Variants in TBC1D16 observed in about 807,000 individuals in gnomAD.
TBC1D16 encodes the protein CTD-2529O21.1.
In TBC1D16, 58 loss-of-function variants were observed where a neutral mutation model predicts 74.7. That is an observed-to-expected ratio of 0.78 (90% CI 0.63 to 0.97). TBC1D16 has a LOEUF of 0.97. TBC1D16 is among the 50% of genes least tolerant of loss of function. The pLI is 0.00. For missense variants in TBC1D16, 1,014 were observed against 1,079.5 expected, an observed-to-expected ratio of 0.94 and a Z score of 0.85; for synonymous variants, 493 against 474.7, an observed-to-expected ratio of 1.04 and a Z score of -0.50.
At chr17:79,976,520 G>A (rs2034337837) in intron 3 of TBC1D16, among the ~76,000 whole-genome samples, 1 of 152,184 alleles carries the variant, frequency 6.6e-6, no homozygotes, top group Non-Finnish European at 1.5e-5. Context: ...TGTGCGGTGT[G>A]CCCACATCCT....
chr17:80,005,040 T>G (rs1168880034), intron 3 of TBC1D16, among the ~76,000 whole-genome samples: 2 of 152,078 alleles, frequency 1.3e-5, no homozygotes, highest in Admixed American at 1.3e-4. Flanking sequence ...CATTTTCACT[T>G]AGGGAGCAGA....
chr17:79,985,881 C>T lies in TBC1D16; in HGVS notation c.779+24279G>A, dbSNP rs1305547466. ...TCAAGGCTGTGGAGGTCAAAGGGGA[C>T]CAAATCAGGGGCCCTCTGCTACTAC... On this transcript the variant is annotated intron_variant, in intron 3 of 11. Coordinates refer to ENST00000310924, the MANE Select transcript of TBC1D16 (RefSeq NM_019020.4). The surrounding 1 kb of genome is among the most constrained non-coding windows in gnomAD (Gnocchi z 4.9). Among the ~76,000 whole-genome samples the T allele has an allele frequency of 6.6e-6, 1 of 152,144 alleles. No homozygotes were observed. The highest frequency in any genetic ancestry group is 1.5e-5 in the Non-Finnish European group (1 of 68,032).
Position 79,938,338 on chromosome 17 carries a change from C to G in TBC1D16, c.*2521G>C, listed in dbSNP as rs763630130. ...GCCCATGGGGAGCGTGAGGTGCGAG[C>G]AGTGCACGGTGGGGGTGGCACTTGG... On this transcript the variant is annotated 3_prime_UTR_variant, in exon 12 of 12. Transcript: ENST00000310924. 1 of 152,516 alleles carries G rather than the reference C, an allele frequency of 6.6e-6. No homozygotes were observed. Among genetic ancestry groups the G allele is most frequent in the Non-Finnish European group, 1.5e-5 (1 of 68,290 alleles). 9.4% of individuals were successfully genotyped at this position (152,516 alleles called of 1,614,324 possible).
chr17:79,950,211 GTT>G lies in TBC1D16; in HGVS notation c.1257+198_1257+199del, dbSNP rs561768026. On this transcript the variant is annotated intron_variant, in intron 6 of 11. Transcript: ENST00000310924. This position sits in a 1 kb window ranked among gnomAD's most constrained non-coding sequence, Gnocchi z 4.6. ...ACCCTCGAGGGAGGTGTTGTGTTTTGTTTTTTTTTTTCAACGCAGCAGCTTTG... is the reference window on the plus strand; with the variant it reads ...ACCCTCGAGGGAGGTGTTGTGTTTTGTTTTTTTTTCAACGCAGCAGCTTTG... Among the ~76,000 whole-genome samples the G allele has an allele frequency of 6.8e-6, 1 of 146,120 alleles. No individual in the cohort carries two copies. The highest frequency in any genetic ancestry group is 2.2e-4 in the South Asian group (1 of 4,594).
chr17:79,951,313 C>T (rs1464749659), intron 5 of TBC1D16, 137 bp downstream of exon 5: 6 of 1,115,328 alleles, frequency 5.4e-6, no homozygotes, highest in Non-Finnish European at 7.6e-6. Context: ...CTCTGACGGC[C>T]AAAAACTACC....
intron 9 of TBC1D16, among the ~76,000 whole-genome samples, chr17:79,946,106 C>T (rs2032511741): frequency 6.6e-6 from 1 of 152,228 alleles, no homozygotes; most frequent in African/African-American, 2.4e-5. Flanking sequence ...GGCATCAGCT[C>T]TCCCAGCCTG....
chr17:80,002,083 G>C (rs534236767), intron 3 of TBC1D16, among the ~76,000 whole-genome samples: 1 of 152,174 alleles, frequency 6.6e-6, no homozygotes, highest in Admixed American at 6.5e-5. Context: ...AAGGGATCCG[G>C]AACGAGCAGA....
Position 80,001,376 on chromosome 17 carries a change from A to G in TBC1D16, c.779+8784T>C, listed in dbSNP as rs2035479292. ...AGAACAGATTGCAGGGTGTCGGGCA[A>G]TGGGATGTTTTAAAGAAATAAATCT... On this transcript the variant is annotated intron_variant, in intron 3 of 11. Transcript: ENST00000310924. The surrounding 1 kb of genome is among the most constrained non-coding windows in gnomAD (Gnocchi z 5.8). Among the ~76,000 whole-genome samples, 1 of 152,210 alleles carries G rather than the reference A, an allele frequency of 6.6e-6. No individual in the cohort carries two copies. Among genetic ancestry groups the G allele is most frequent in the African/African-American group, 2.4e-5 (1 of 41,460 alleles).
chr17:79,957,838 T>C (rs926394790), intron 3 of TBC1D16, among the ~76,000 whole-genome samples: 13 of 142,388 alleles, frequency 9.1e-5, no homozygotes, highest in African/African-American at 2.1e-4. Flanking sequence ...TAAAACAGCT[T>C]CAAAAAATAA....
intron 3 of TBC1D16, among the ~76,000 whole-genome samples, chr17:79,977,427 C>T (rs78894738): frequency 0.026 from 3,894 of 152,308 alleles, 80 homozygotes; most frequent in Non-Finnish European, 0.043. Context: ...TCCACCTGGC[C>T]CCTTCCCAGC....
At chr17:80,012,029 C>T (rs981458761) in intron 2 of TBC1D16, among the ~76,000 whole-genome samples, 2 of 152,034 alleles carry the variant, frequency 1.3e-5, no homozygotes, top group African/African-American at 4.8e-5. Flanking sequence ...GTGCTCAGTT[C>T]TGGGGGGAGG....
Position 79,944,195 on chromosome 17 carries a change from A to G in TBC1D16, c.1908+713T>C. The stretch of plus-strand genomic sequence containing the variant: ...CTCCATCTTCAGGGTTCTCTGACGG[A>G]GGCTGCTGGAGCTGCCGTGGTGGAT... On this transcript the variant is annotated intron_variant, in intron 10 of 11. Coordinates refer to ENST00000310924, the MANE Select transcript of TBC1D16 (RefSeq NM_019020.4). The surrounding 1 kb of genome is among the most constrained non-coding windows in gnomAD (Gnocchi z 7.7). 6.6e-7 allele frequency: 1 copy of G among 1,506,014 alleles called. No individual in the cohort carries two copies. The highest frequency in any genetic ancestry group is 8.9e-7 in the Non-Finnish European group (1 of 1,120,130). The allele number at this position is 1,506,014 out of a possible 1,614,324, so 93.3% of individuals were successfully genotyped here. A position where few individuals can be genotyped will look rare whatever the true frequency, so the allele number is the denominator to read the frequency against.
At chr17:79,998,246 A>T (rs888699121) in intron 3 of TBC1D16, among the ~76,000 whole-genome samples, 4 of 150,410 alleles carry the variant, frequency 2.7e-5, no homozygotes, top group African/African-American at 9.8e-5. Context: ...GCAGGTGTTG[A>T]TCTGTTTACT....
At chr17:79,947,964 C>T (rs986369060) in intron 8 of TBC1D16, 133 bp from the exon 9 acceptor site, 1 of 714,396 alleles carries the variant, frequency 1.4e-6, no homozygotes, top group Non-Finnish European at 2.3e-6. Flanking sequence ...AGCTGTGCCA[C>T]CATCTCAGAG....
At chr17:79,960,801 A>AAAAAAAAAAAAAAAAAAAAAAAAAAAC (rs2033570654) in intron 3 of TBC1D16, among the ~76,000 whole-genome samples, 1 of 149,050 alleles carries the variant, frequency 6.7e-6, no homozygotes, top group Non-Finnish European at 1.5e-5. Flanking sequence ...AAAAAAAAAA[A>AAAAAAAAAAAAAAAAAAAAAAAAAAAC]AAAAAAAACG....
rs1320336107 is a variant in TBC1D16, at chr17:79,936,650, T to G, written c.*4209A>C. On this transcript the variant is annotated 3_prime_UTR_variant, in exon 12 of 12. Coordinates refer to ENST00000310924, the MANE Select transcript of TBC1D16 (RefSeq NM_019020.4). ...CCCCAAGGGCATGCCTCTGGCTTCATGAACCTTCGGGGGAAATTAGCTTTC... is the reference window on the plus strand; with the variant it reads ...CCCCAAGGGCATGCCTCTGGCTTCAGGAACCTTCGGGGGAAATTAGCTTTC... 1 of 152,406 alleles carries G rather than the reference T, an allele frequency of 6.6e-6. No individual in the cohort carries two copies. Among genetic ancestry groups the G allele is most frequent in the East Asian group, 1.9e-4 (1 of 5,186 alleles). The allele number at this position is 152,406 out of a possible 1,614,324, so 9.4% of individuals were successfully genotyped here. A position where few individuals can be genotyped will look rare whatever the true frequency, so the allele number is the denominator to read the frequency against.
chr17:79,949,784 T>C lies in TBC1D16; in HGVS notation c.1339A>G (p.Thr447Ala), dbSNP rs2032892901. The C allele has an allele frequency of 6.2e-7, 1 of 1,613,586 alleles. No individual in the cohort carries two copies. Among genetic ancestry groups the C allele is most frequent in the Non-Finnish European group, 8.5e-7 (1 of 1,179,960 alleles). ...CGCAGCGCCTCCCGCTCCTCCGACG[T>C]GGACTCGTGGCTGTAATAGCGCAGC... ...FLLRYYSHESTSEEREALRLQ... is the reference protein window; with the variant it reads ...FLLRYYSHESASEEREALRLQ... The change falls in exon 7 of 12, where the codon ACG becomes GCG. Residue 447 changes from threonine (T) to alanine (A), a missense_variant. Transcript: ENST00000310924.
At chr17:79,977,008 A>G (rs1222451773) in intron 3 of TBC1D16, among the ~76,000 whole-genome samples, 1 of 152,202 alleles carries the variant, frequency 6.6e-6, no homozygotes, top group African/African-American at 2.4e-5. Flanking sequence ...ACTTAAAACA[A>G]AAGTGTCAGG....
chr17:80,032,162 T>C (rs2036796727), intron 1 of TBC1D16, among the ~76,000 whole-genome samples: 1 of 152,218 alleles, frequency 6.6e-6, no homozygotes, highest in African/African-American at 2.4e-5. Flanking sequence ...CCAGCATGGA[T>C]GCGGGCTTGG....
Sources: allele counts gnomAD v4.1 joint callset (sites outside exome capture counted in the v4.1 genomes callset), GRCh38; gene constraint gnomAD v4.1.1; non-coding constraint Gnocchi (gnomAD v3.1); transcripts MANE v1.5; gene names NCBI Gene and HGNC (gene_info 2026-07-23, HGNC 2026-07-21).